Variants in AFG2A observed in about 807,000 individuals in gnomAD.
AFG2A encodes the protein ATPase family gene 2 protein homolog A.
chr4:123,291,389 TC>T, the AFG2A span, among the ~76,000 whole-genome samples: 4 of 152,224 alleles, frequency 2.6e-5, no homozygotes, highest in African/African-American at 9.6e-5. Flanking sequence ...TGTTTTGTTT[TC>T]TTCATTATGT....
chr4:122,954,107 G>T, the AFG2A span, among the ~76,000 whole-genome samples: 13 of 152,148 alleles, frequency 8.5e-5, no homozygotes, highest in Admixed American at 6.5e-5. Context: ...CCCTCATCTG[G>T]CCACGCTTCA....
the AFG2A span, among the ~76,000 whole-genome samples, chr4:123,006,704 C>T: frequency 6.6e-6 from 1 of 151,904 alleles, no homozygotes; most frequent in Non-Finnish European, 1.5e-5. Context: ...TGATTTTTAT[C>T]TTCTTAAAAT....
chr4:123,242,776 G>A, the AFG2A span, among the ~76,000 whole-genome samples: 4 of 152,148 alleles, frequency 2.6e-5, no homozygotes, highest in Admixed American at 1.3e-4. Flanking sequence ...AAGAGCTTCT[G>A]CACAGCGAAA....
the AFG2A span, among the ~76,000 whole-genome samples, chr4:123,213,264 T>C: frequency 1.3e-5 from 2 of 152,184 alleles, no homozygotes; most frequent in Non-Finnish European, 2.9e-5. Context: ...ATTTAATGGG[T>C]ATATATCCTG....
the AFG2A span, among the ~76,000 whole-genome samples, chr4:123,232,740 T>C: frequency 6.6e-6 from 1 of 151,970 alleles, no homozygotes; most frequent in African/African-American, 2.4e-5. Flanking sequence ...AGATACTGCA[T>C]TGGGGGATGA....
At chr4:123,185,457 TAC>T in the AFG2A span, among the ~76,000 whole-genome samples, 1 of 152,138 alleles carries the variant, frequency 6.6e-6, no homozygotes. Context: ...TATGAATGTC[TAC>T]ATTTTAAATA....
At chr4:123,047,096 T>C in the AFG2A span, among the ~76,000 whole-genome samples, 138,309 of 152,144 alleles carry the variant, frequency 0.91, 63,104 homozygotes, top group East Asian at 0.97. Flanking sequence ...GCTTTCCTTT[T>C]TTTTGGTAGT....
At chr4:122,985,125 CT>C in the AFG2A span, among the ~76,000 whole-genome samples, 3,630 of 138,558 alleles carry the variant, frequency 0.026, 165 homozygotes, top group African/African-American at 0.085. Flanking sequence ...TTTTTTTTTT[CT>C]TTTTTTTTTT....
At chr4:123,196,102 G>A in the AFG2A span, among the ~76,000 whole-genome samples, 1 of 147,600 alleles carries the variant, frequency 6.8e-6, no homozygotes, top group African/African-American at 2.5e-5. Flanking sequence ...CCAGGTTCAC[G>A]CCATTCTCCT....
At chr4:123,258,400 C>T in the AFG2A span, among the ~76,000 whole-genome samples, 1 of 152,214 alleles carries the variant, frequency 6.6e-6, no homozygotes, top group Non-Finnish European at 1.5e-5. Flanking sequence ...TTCTCTCTCT[C>T]TGTTTCTCTG....
chr4:122,941,433 TTGTC>T, the AFG2A span, among the ~76,000 whole-genome samples: 1 of 152,228 alleles, frequency 6.6e-6, no homozygotes, highest in African/African-American at 2.4e-5. Flanking sequence ...GGCTCTCTGT[TTGTC>T]TGTTATCGGT....
At chr4:123,241,175 A>G in the AFG2A span, among the ~76,000 whole-genome samples, 7 of 152,174 alleles carry the variant, frequency 4.6e-5, no homozygotes, top group Admixed American at 1.3e-4. Context: ...AGGACCAGAC[A>G]GATTCACAGC....
At chr4:123,017,895 C>A in the AFG2A span, among the ~76,000 whole-genome samples, 1 of 152,146 alleles carries the variant, frequency 6.6e-6, no homozygotes, top group African/African-American at 2.4e-5. Flanking sequence ...GATCTTGACT[C>A]ATAGATGTAT....
the AFG2A span, among the ~76,000 whole-genome samples, chr4:123,034,831 AATAG>A: frequency 2.0e-5 from 3 of 152,154 alleles, no homozygotes; most frequent in African/African-American, 7.2e-5. Flanking sequence ...AGGTCAGTAT[AATAG>A]ATCTGGGCAT....
At chr4:122,945,286 T>C in the AFG2A span, among the ~76,000 whole-genome samples, 3 of 152,226 alleles carry the variant, frequency 2.0e-5, no homozygotes, top group African/African-American at 7.2e-5. Flanking sequence ...TGTGGTGGGC[T>C]CCACCCAGTT....
At chr4:123,005,598 TTTC>T in the AFG2A span, among the ~76,000 whole-genome samples, 3 of 152,258 alleles carry the variant, frequency 2.0e-5, no homozygotes, top group East Asian at 3.9e-4. Flanking sequence ...ATTTTAGATC[TTTC>T]TTCTTTTCTA....
chr4:123,304,226 G>T, the AFG2A span, among the ~76,000 whole-genome samples: 2 of 152,132 alleles, frequency 1.3e-5, no homozygotes, highest in Non-Finnish European at 2.9e-5. Context: ...AGCCTGCTGT[G>T]CTCCCTTCAG....
the AFG2A span, among the ~76,000 whole-genome samples, chr4:123,291,506 G>A: frequency 6.6e-6 from 1 of 152,150 alleles, no homozygotes; most frequent in South Asian, 2.1e-4. Flanking sequence ...CTCTTGTAGG[G>A]CTGGTCAAGT....
the AFG2A span, among the ~76,000 whole-genome samples, chr4:123,191,924 C>T: frequency 0.66 from 100,315 of 151,952 alleles, 33,837 homozygotes; most frequent in Non-Finnish European, 0.72. Context: ...ATTGTAGGAG[C>T]GTTTAACATC....
Sources: gnomAD v4.1 joint callset for allele counts (sites outside exome capture counted in the v4.1 genomes callset) on GRCh38, gnomAD v4.1.1 for gene constraint, MANE v1.5 for transcripts, NCBI Gene and HGNC (gene_info 2026-07-23, HGNC 2026-07-21) for gene names.